The following KIAA1217 variants were observed in gnomAD, a reference collection of about 807,000 sequenced individuals.
KIAA1217 encodes KIAA1217.
In KIAA1217, 88 loss-of-function variants were observed where a neutral mutation model predicts 163.9. The ratio of observed to expected loss-of-function variants is 0.54; its 90% CI spans 0.45 to 0.64. The LOEUF (loss-of-function observed/expected upper bound fraction) is 0.64, where lower values mean the gene tolerates loss of function less well. Ranked by LOEUF, KIAA1217 falls within the 30% of genes least tolerant of loss-of-function variation. KIAA1217 has a pLI of 0.00. For missense variants in KIAA1217, 2,372 were observed against 2,475.0 expected (o/e 0.96, Z 0.88); for synonymous variants, 903 against 923.1 (o/e 0.98, Z 0.39).
intron 13 of KIAA1217, among the ~76,000 whole-genome samples, chr10:24,527,391 A>AT (rs1202854125): frequency 2.8e-5 from 4 of 142,588 alleles, no homozygotes; most frequent in Admixed American, 7.0e-5. Flanking sequence ...GCCCAGCCTA[A>AT]TTTTTTTTTT....
At chr10:23,885,525 C>T (rs555019742) in intron 1 of KIAA1217, among the ~76,000 whole-genome samples, 1 of 152,036 alleles carries the variant, frequency 6.6e-6, no homozygotes, top group African/African-American at 2.4e-5. Flanking sequence ...ACATAGGGAG[C>T]AAGTTATAAT....
intron 1 of KIAA1217, among the ~76,000 whole-genome samples, chr10:23,892,533 A>C (rs190441924): frequency 1.3e-5 from 2 of 152,006 alleles, no homozygotes; most frequent in Non-Finnish European, 2.9e-5. Context: ...TCTGCTGGCA[A>C]ACTCTGGCCT....
intron 2 of KIAA1217, among the ~76,000 whole-genome samples, chr10:24,032,734 C>T (rs770612789): frequency 3.3e-5 from 5 of 152,136 alleles, no homozygotes; most frequent in African/African-American, 4.8e-5. Context: ...ATAAGAATAA[C>T]TTTTAAGTCA....
rs147709612 is a variant in KIAA1217 at position 24,109,230 on chromosome 10, A to G, written c.-171+101856A>G. 4.1e-3 allele frequency among the ~76,000 whole-genome samples: 631 copies of G among 152,356 alleles called. 2 individuals are homozygous for G. The highest frequency in any genetic ancestry group is 7.6e-3 in the Non-Finnish European group (516 of 68,040). On this transcript the variant is annotated intron_variant, in intron 2 of 18. Coordinates refer to the KIAA1217 transcript ENST00000376462. ...TGAGTAACAACAAAACAAACAAACG[A>G]TGCCACTAGGGGTGCTTACATTATT...
chr10:24,439,105 A>T (rs1277011187), intron 5 of KIAA1217, among the ~76,000 whole-genome samples: 1 of 152,248 alleles, frequency 6.6e-6, no homozygotes, highest in Admixed American at 6.5e-5. Flanking sequence ...TTCAAAGCAC[A>T]CAGGGATGTT....
At chr10:24,067,638 C>T (rs1439003393) in intron 2 of KIAA1217, among the ~76,000 whole-genome samples, 2 of 152,220 alleles carry the variant, frequency 1.3e-5, no homozygotes, top group Non-Finnish European at 2.9e-5. Flanking sequence ...TCTCAAGCTG[C>T]ATGCTGGGAG....
intron 1 of KIAA1217, among the ~76,000 whole-genome samples, chr10:23,877,229 C>T (rs1588998343): frequency 6.6e-6 from 1 of 151,940 alleles, no homozygotes; most frequent in East Asian, 1.9e-4. Context: ...AGGCCAGAAG[C>T]CCATTGGCTG....
intron 2 of KIAA1217, among the ~76,000 whole-genome samples, chr10:24,140,277 A>C (rs1373347499): frequency 6.6e-6 from 1 of 151,344 alleles, no homozygotes; most frequent in Non-Finnish European, 1.5e-5. Flanking sequence ...GGAGAATGGC[A>C]TGAACCCGGG....
At chr10:24,054,024 A>G (rs573891852) in intron 2 of KIAA1217, among the ~76,000 whole-genome samples, 32 of 152,282 alleles carry the variant, frequency 2.1e-4, no homozygotes, top group African/African-American at 7.7e-4. Context: ...TTTCTCTTCC[A>G]TCAGTGAACA....
At chr10:23,775,589 G>A (rs1834975808) in intron 1 of KIAA1217, among the ~76,000 whole-genome samples, 1 of 152,026 alleles carries the variant, frequency 6.6e-6, no homozygotes, top group Non-Finnish European at 1.5e-5. Flanking sequence ...ATGTGAGAGT[G>A]GATTAAAATC....
At chr10:23,913,098 C>A (rs1842502602) in intron 1 of KIAA1217, among the ~76,000 whole-genome samples, 1 of 152,294 alleles carries the variant, frequency 6.6e-6, no homozygotes, top group South Asian at 2.1e-4. Context: ...CTGCGGGTAA[C>A]TTGTCTTCTA....
chr10:24,348,197 T>G (rs901777647), intron 2 of KIAA1217, among the ~76,000 whole-genome samples: 1 of 151,840 alleles, frequency 6.6e-6, no homozygotes, highest in Non-Finnish European at 1.5e-5. Context: ...TTACTGAAAA[T>G]ACAAAATTAG....
At chr10:23,867,421 G>A (rs542230316) in intron 1 of KIAA1217, among the ~76,000 whole-genome samples, 123 of 152,110 alleles carry the variant, frequency 8.1e-4, no homozygotes, top group Middle Eastern at 6.8e-3. Context: ...CTGAGGAATC[G>A]CCACACTGAC....
chr10:24,390,472 G>GAGGGAGA, intron 3 of KIAA1217, among the ~76,000 whole-genome samples: 1 of 58,604 alleles, frequency 1.7e-5, no homozygotes, highest in Non-Finnish European at 2.9e-5. Context: ...AGGGAGGGAG[G>GAGGGAGA]GAGGGAAGGA....
intron 2 of KIAA1217, among the ~76,000 whole-genome samples, chr10:24,169,526 C>T (rs2065521059): frequency 6.6e-6 from 1 of 152,122 alleles, no homozygotes; most frequent in Non-Finnish European, 1.5e-5. Flanking sequence ...CGTTTTGTTC[C>T]CTGCCATAAC....
chr10:24,216,167 A>G (rs1045982319), intron 1 of KIAA1217, among the ~76,000 whole-genome samples: 12 of 152,184 alleles, frequency 7.9e-5, no homozygotes, highest in Non-Finnish European at 2.9e-5. Flanking sequence ...TGTGGACTGA[A>G]GATTGGCTCT....
intron 1 of KIAA1217, among the ~76,000 whole-genome samples, chr10:23,736,453 G>A (rs1397504501): frequency 6.6e-6 from 1 of 152,090 alleles, no homozygotes; most frequent in African/African-American, 2.4e-5. Flanking sequence ...CATCTGTATT[G>A]TTTCAGTTGT....
At chr10:23,932,119 G>C (rs1209954660) in intron 1 of KIAA1217, among the ~76,000 whole-genome samples, 1 of 152,114 alleles carries the variant, frequency 6.6e-6, no homozygotes, top group Non-Finnish European at 1.5e-5. Context: ...CTTGGCTGAA[G>C]GTAACCAGAA....
chr10:24,340,305 G>A (rs1357220574), intron 2 of KIAA1217, among the ~76,000 whole-genome samples: 2 of 152,114 alleles, frequency 1.3e-5, no homozygotes, highest in Admixed American at 1.3e-4. Flanking sequence ...AATCATGGGG[G>A]CAGCTTCTCC....
Sources: allele counts gnomAD v4.1 joint callset (sites outside exome capture counted in the v4.1 genomes callset), GRCh38; gene constraint gnomAD v4.1.1; transcripts MANE v1.5; gene names NCBI Gene and HGNC (gene_info 2026-07-23, HGNC 2026-07-21).